Variants in CPA3 observed in about 807,000 individuals in gnomAD.
The protein encoded by CPA3 is carboxypeptidase A3, also known as mast cell carboxypeptidase A.
In CPA3, 52 loss-of-function variants were observed where a neutral mutation model predicts 55.8. That is an observed-to-expected ratio of 0.93 (90% CI 0.75 to 1.17). CPA3 has a LOEUF of 1.17. Among genes scored for constraint, CPA3 ranks in the 50% most tolerant of loss-of-function variants. The probability of loss-of-function intolerance (pLI) is 0.00; values close to 1 mark genes in which losing one functional copy is unlikely to be tolerated. For synonymous variants in CPA3, 179 were observed against 171.2 expected (o/e 1.05, Z -0.36); for missense variants, 547 against 509.1 (o/e 1.07, Z -0.72).
Position 148,882,164 on chromosome 3 carries a change from G to A in CPA3, c.688-341G>A, listed in dbSNP as rs148320487. On this transcript the variant is annotated intron_variant, in intron 7 of 10. Transcript: ENST00000296046. ...TAAAAATTTGACCTGCATTATATCT[G>A]AATCTATATATGGTGAACAAGCTAA... Among the ~76,000 whole-genome samples, 414 of 152,162 alleles carry A rather than the reference G, an allele frequency of 2.7e-3. 1 individual carries two copies. The highest frequency in any genetic ancestry group is 5.1e-3 in the Non-Finnish European group (346 of 68,004).
At chr3:148,865,450 T>C (rs1021999459) in intron 1 of CPA3, 23 bp from the exon 2 acceptor site, 2 of 1,613,588 alleles carry the variant, frequency 1.2e-6, no homozygotes, top group South Asian at 1.1e-5. Context: ...TTCACTTTTT[T>C]TTTTTCATTT....
chr3:148,883,855 C>A, intron 9 of CPA3, 40 bp downstream of exon 9: 3 of 1,413,878 alleles, frequency 2.1e-6, no homozygotes, highest in Non-Finnish European at 3.0e-6. Flanking sequence ...ATCGACAATA[C>A]CATTGACTTT....
intron 10 of CPA3, among the ~76,000 whole-genome samples, chr3:148,892,481 G>A (rs562101082): frequency 1.2e-3 from 183 of 151,118 alleles, no homozygotes; most frequent in African/African-American, 4.0e-3. Context: ...GGTGAAACCC[G>A]GTCTCTACTA....
chr3:148,889,143 T>C (rs1714605586), intron 10 of CPA3, among the ~76,000 whole-genome samples: 1 of 152,242 alleles, frequency 6.6e-6, no homozygotes, highest in Admixed American at 6.5e-5. Context: ...AGCAGCTTGA[T>C]AAACGATCAA....
intron 3 of CPA3, among the ~76,000 whole-genome samples, chr3:148,873,509 T>C (rs1050560228): frequency 3.3e-5 from 5 of 152,218 alleles, no homozygotes; most frequent in African/African-American, 1.2e-4. Flanking sequence ...GTAGAATTTA[T>C]CTCATCTCTT....
intron 3 of CPA3, among the ~76,000 whole-genome samples, chr3:148,876,337 A>G (rs1224021557): frequency 2.6e-5 from 4 of 151,280 alleles, no homozygotes; most frequent in South Asian, 2.1e-4. Flanking sequence ...AAAAAATCCC[A>G]TTTTTTCTGA....
At chr3:148,888,164 G>A (rs774090809) in intron 10 of CPA3, among the ~76,000 whole-genome samples, 2 of 152,136 alleles carry the variant, frequency 1.3e-5, no homozygotes, top group East Asian at 1.9e-4. Flanking sequence ...AGTCACTTTC[G>A]TATTCCAAGC....
intron 10 of CPA3, among the ~76,000 whole-genome samples, chr3:148,888,642 A>C (rs1278110626): frequency 1.3e-5 from 2 of 152,378 alleles, no homozygotes; most frequent in East Asian, 3.9e-4. Flanking sequence ...CAGACACCAC[A>C]TGAGAGCAAT....
intron 2 of CPA3, 71 bp downstream of exon 2, chr3:148,865,619 C>T (rs2108027005): frequency 7.5e-7 from 1 of 1,337,690 alleles, no homozygotes. Context: ...ATTTTACTGT[C>T]AATGCCCATG....
intron 3 of CPA3, among the ~76,000 whole-genome samples, chr3:148,873,364 C>T (rs568664701): frequency 1.8e-4 from 23 of 127,038 alleles, no homozygotes; most frequent in Non-Finnish European, 3.1e-4. Flanking sequence ...AGTGCATGCA[C>T]GCGCGCACAC....
In CPA3 at chr3:148,868,984, G is replaced by A. The variant is rs1351154570; in HGVS notation, c.214G>A (p.Glu72Lys). ...ANMMVDFRVS[E>K]KESQAIQSAL... ...TATGATGGTGGATTTCCGAGTTAGTGAGAAGGAATCCCAAGCCATCCAGTC... is the reference window on the plus strand; with the variant it reads ...TATGATGGTGGATTTCCGAGTTAGTAAGAAGGAATCCCAAGCCATCCAGTC... The change falls in exon 3 of 11, where the codon GAG (glutamate) becomes AAG (lysine). Residue 72 changes from glutamate to lysine, a missense_variant. Transcript: ENST00000296046. 6.2e-7 allele frequency: 1 copy of A among 1,614,064 alleles called. No individual in the cohort carries two copies. The highest frequency in any genetic ancestry group is 8.5e-7 in the Non-Finnish European group (1 of 1,179,962).
intron 5 of CPA3, 138 bp from the exon 6 acceptor site, chr3:148,879,650 C>T: frequency 1.7e-6 from 1 of 597,404 alleles, no homozygotes; most frequent in Non-Finnish European, 3.1e-6. Flanking sequence ...CTTCTGAGAA[C>T]AATATGTGCA....
chr3:148,879,548 G>A (rs1278278133), intron 5 of CPA3, among the ~76,000 whole-genome samples: 1 of 152,144 alleles, frequency 6.6e-6, no homozygotes, highest in Non-Finnish European at 1.5e-5. Flanking sequence ...AATCCTACCA[G>A]CTGCCCTGAC....
Position 148,896,914 on chromosome 3 carries a change from T to G in CPA3, c.*207T>G, listed in dbSNP as rs188163066. ...CTTTAAGTGAAACCTTTTAACTACC[T>G]TTCTTTGCTCCAAGTGAAGTTTGGA... On this transcript the variant is annotated 3_prime_UTR_variant, in exon 11 of 11. Transcript: ENST00000296046. 270 of 395,142 alleles carry G rather than the reference T, an allele frequency of 6.8e-4. 2 individuals carry two copies. The Middle Eastern group carries it at 0.011, about 17-fold the overall frequency. 24.5% of individuals were successfully genotyped at this position (395,142 alleles called of 1,614,324 possible).
chr3:148,879,835 C>T lies in CPA3; in HGVS notation c.522C>T (p.Gly174=). The change falls in exon 6 of 11, where the codon GGC becomes GGT. Residue 174 remains glycine (G), a synonymous_variant. Coordinates refer to ENST00000296046, the MANE Select transcript of CPA3 (RefSeq NM_001870.4). ...ERRKAIFTDC[G]IHAREWVSPA... ...GAAAGGCTATTTTTACGGATTGTGG[C>T]ATTCACGCACGAGAATGGGTCTCCC... 1 of 1,612,610 alleles carries T rather than the reference C, an allele frequency of 6.2e-7. No individual in the cohort carries two copies.
chr3:148,875,188 G>A (rs1714173325), intron 3 of CPA3, among the ~76,000 whole-genome samples: 1 of 152,062 alleles, frequency 6.6e-6, no homozygotes, highest in Non-Finnish European at 1.5e-5. Flanking sequence ...AGACTAGAGT[G>A]AATGTTAAAA....
rs146101762 is a variant in CPA3, at chr3:148,868,947, C to G, written c.177C>G (p.His59Gln). ...LDFWYPGATH[H>Q]VAANMMVDFR... ...TCTGGTATCCAGGTGCCACCCACCA[C>G]GTAGCTGCTAATATGATGGTGGATT... Residue 59 changes from histidine (H) to glutamine (Q), a missense_variant, in exon 3 of 11, where the codon CAC becomes CAG. Transcript: ENST00000296046. 6.2e-7 allele frequency: 1 copy of G among 1,613,860 alleles called. No individual in the cohort carries two copies. The highest frequency in any genetic ancestry group is 8.5e-7 in the Non-Finnish European group (1 of 1,179,952).
intron 2 of CPA3, 84 bp from the exon 3 acceptor site, chr3:148,868,831 G>A (rs1713979001): frequency 6.9e-7 from 1 of 1,454,578 alleles, no homozygotes; most frequent in Non-Finnish European, 9.2e-7. Context: ...TTCCTTTCAT[G>A]GTGTATGAGA....
chr3:148,877,016 A>T (rs919072365), intron 3 of CPA3, among the ~76,000 whole-genome samples: 1 of 152,232 alleles, frequency 6.6e-6, no homozygotes. Context: ...AATAATGTGT[A>T]TAAAGCAGTA....
Sources: allele counts gnomAD v4.1 joint callset (sites outside exome capture counted in the v4.1 genomes callset), GRCh38; gene constraint gnomAD v4.1.1; transcripts MANE v1.5; gene names NCBI Gene and HGNC (gene_info 2026-07-23, HGNC 2026-07-21).